Variants in PCNX2 observed in about 807,000 individuals in gnomAD.
PCNX2 encodes pecanex 2.
PCNX2 carries 168 observed loss-of-function variants against 223.8 expected under a neutral mutation model. The observed-to-expected ratio is 0.75, with a 90% CI of 0.66 to 0.85. The LOEUF is 0.85. Among genes scored for constraint, PCNX2 ranks in the 40% least tolerant of loss-of-function variants. The pLI is 0.00. For synonymous variants in PCNX2, 1,006 were observed against 1,052.6 expected (o/e 0.96, Z 0.86); for missense variants, 2,507 against 2,675.5 (o/e 0.94, Z 1.39).
chr1:233,096,777 C>A (rs1674196179), intron 21 of PCNX2, among the ~76,000 whole-genome samples: 1 of 152,090 alleles, frequency 6.6e-6, no homozygotes, highest in East Asian at 1.9e-4. Flanking sequence ...GGCTCAATAG[C>A]CATTATATAA....
At chr1:233,308,302 C>CA in the PCNX2 span, among the ~76,000 whole-genome samples, 2 of 151,702 alleles carry the variant, frequency 1.3e-5, no homozygotes, top group African/African-American at 4.8e-5. Flanking sequence ...TCTAAAAATA[C>CA]AAAAAAATTA....
chr1:233,280,026 C>G (rs1661108533), intron 1 of PCNX2, among the ~76,000 whole-genome samples: 1 of 152,062 alleles, frequency 6.6e-6, no homozygotes, highest in Non-Finnish European at 1.5e-5. Flanking sequence ...TCATCTTTCC[C>G]TCCTTTTTAG....
intron 21 of PCNX2, 37 bp from the exon 22 acceptor site, chr1:233,095,900 A>T: frequency 6.8e-7 from 1 of 1,461,718 alleles, no homozygotes; most frequent in Non-Finnish European, 9.4e-7. Flanking sequence ...CAGAGAGGAC[A>T]ATGACAACAG....
chr1:233,003,316 AC>A (rs1347247672), intron 28 of PCNX2, among the ~76,000 whole-genome samples: 2 of 152,338 alleles, frequency 1.3e-5, no homozygotes, highest in Admixed American at 6.5e-5. Context: ...TAAGAAAAAA[AC>A]AACCCCATCA....
chr1:232,999,183 T>G lies in PCNX2; in HGVS notation c.5525A>C (p.His1842Pro), dbSNP rs758211090. Residue 1842 changes from histidine to proline, a missense_variant, in exon 31 of 34, where the codon CAC becomes CCC. Around this residue, in one of 3 missense-constraint regions of PCNX2, gnomAD observed 1,372 missense variants for 1,509.4 expected, o/e 0.91. Transcript: ENST00000258229. ...SPLTTSYLGT[H>P]RQLKNIWGGP... ...ACCCCAGATGTTCTTCAGCTGCCTG[T>G]GTGTCCCTAGGTAGGATGTGGTTAG... The G allele has an allele frequency of 6.2e-7, 1 of 1,613,950 alleles. No individual in the cohort carries two copies. Among genetic ancestry groups the G allele is most frequent in the East Asian group, 2.2e-5 (1 of 44,874 alleles).
chr1:233,091,308 G>A (rs1673859626), intron 22 of PCNX2, among the ~76,000 whole-genome samples: 1 of 152,110 alleles, frequency 6.6e-6, no homozygotes, highest in South Asian at 2.1e-4. Flanking sequence ...TCTTATTTCT[G>A]TAACCCATGT....
Position 232,999,093 on chromosome 1 carries a change from G to GT in PCNX2, c.5603+11dup. On this transcript the variant is annotated intron_variant, in intron 31 of 33. Coordinates refer to ENST00000258229, the MANE Select transcript of PCNX2 (RefSeq NM_014801.4). The stretch of plus-strand genomic sequence containing the variant: ...CAGCATCTGGACAGAGGCATTTGTT[G>GT]TAAAAACTTACCTTACCCACTTGGT... The GT allele has an allele frequency of 6.3e-7, 1 of 1,590,938 alleles. No homozygotes were observed. Among genetic ancestry groups the GT allele is most frequent in the East Asian group, 2.3e-5 (1 of 44,428 alleles).
chr1:233,172,665 G>A, intron 17 of PCNX2: 1 of 502,796 alleles, frequency 2.0e-6, no homozygotes, highest in Non-Finnish European at 2.6e-6. Context: ...CCCCAGGTTG[G>A]GCAAATGCTC....
At chr1:233,090,018 C>T in intron 23 of PCNX2, 43 bp downstream of exon 23, 1 of 1,611,436 alleles carries the variant, frequency 6.2e-7, no homozygotes, top group Non-Finnish European at 8.5e-7. Flanking sequence ...TTCTGAAGTG[C>T]AAACTGGAGA....
chr1:233,099,594 C>G (rs1005488445), intron 21 of PCNX2, among the ~76,000 whole-genome samples: 2 of 152,138 alleles, frequency 1.3e-5, no homozygotes, highest in Non-Finnish European at 2.9e-5. Context: ...GAGACATGAT[C>G]CAGGTTTAAA....
At chr1:233,302,495 T>C in the PCNX2 span, among the ~76,000 whole-genome samples, 1 of 152,180 alleles carries the variant, frequency 6.6e-6, no homozygotes, top group South Asian at 2.1e-4. Flanking sequence ...ATTTCAGCTT[T>C]TTCATCTTCT....
At chr1:233,118,375 T>G (rs1002023528) in intron 21 of PCNX2, among the ~76,000 whole-genome samples, 2 of 150,810 alleles carry the variant, frequency 1.3e-5, no homozygotes, top group Admixed American at 6.7e-5. Context: ...AGGTGTTAGC[T>G]AGTGCAATAA....
At chr1:233,154,671 T>C (rs1368601644) in intron 19 of PCNX2, among the ~76,000 whole-genome samples, 3 of 152,234 alleles carry the variant, frequency 2.0e-5, no homozygotes, top group Non-Finnish European at 4.4e-5. Flanking sequence ...TATATGCATA[T>C]CAATAAGTTG....
chr1:233,035,796 A>G (rs1259221292), intron 25 of PCNX2, among the ~76,000 whole-genome samples: 3 of 152,190 alleles, frequency 2.0e-5, no homozygotes, highest in African/African-American at 4.8e-5. Context: ...CTGAGCTCTG[A>G]GCAGTTTACT....
chr1:233,036,403 G>A (rs1394701831), intron 25 of PCNX2, among the ~76,000 whole-genome samples: 1 of 152,186 alleles, frequency 6.6e-6, no homozygotes, highest in Non-Finnish European at 1.5e-5. Context: ...GGCCGAGGGG[G>A]TGGATCACCT....
chr1:233,147,162 G>T lies in PCNX2; in HGVS notation c.3518-7307C>A, dbSNP rs534073818. Among the ~76,000 whole-genome samples the T allele has an allele frequency of 6.5e-4, 99 of 152,236 alleles. 3 individuals carry two copies. The South Asian group carries it at 0.02, about 31-fold the overall frequency. ...TGGTTGACCCTTGAACAAGGGGGAG[G>T]TTAGAGACACCAACGCTTGCACAGT... On this transcript the variant is annotated intron_variant, in intron 19 of 33. Coordinates refer to ENST00000258229, the MANE Select transcript of PCNX2 (RefSeq NM_014801.4).
chr1:233,231,665 G>A (rs1415924290), intron 9 of PCNX2: 1 of 984,996 alleles, frequency 1.0e-6, no homozygotes, highest in Non-Finnish European at 1.2e-6. Context: ...AGAGTGAACA[G>A]TAGACAGAAG....
At position 232,990,077 on chromosome 1, in the gene PCNX2, C is replaced by T. The variant is rs561229942; in HGVS notation, c.5792-3537G>A. Among the ~76,000 whole-genome samples the T allele has an allele frequency of 2.0e-5, 3 of 152,174 alleles. No individual in the cohort carries two copies. The highest frequency in any genetic ancestry group is 6.5e-5 in the Admixed American group (1 of 15,276). ...TGGGAGCTGTGTGTCTCAACTCGGA[C>T]GGGCATGGTTGTTTTACTTAACTAG... On this transcript the variant is annotated intron_variant, in intron 32 of 33. Transcript: ENST00000258229. The surrounding 1 kb of genome is among the most constrained non-coding windows in gnomAD (Gnocchi z 4.3).
chr1:233,216,923 C>G (rs1656974472), intron 12 of PCNX2, among the ~76,000 whole-genome samples: 1 of 152,028 alleles, frequency 6.6e-6, no homozygotes, highest in Admixed American at 6.5e-5. Context: ...ACTGATGAAT[C>G]TAGAGGACAT....
Sources: gnomAD v4.1 joint callset for allele counts (sites outside exome capture counted in the v4.1 genomes callset) on GRCh38, gnomAD v4.1.1 for gene constraint, gnomAD v4.1.1 regional missense constraint, Gnocchi (gnomAD v3.1) non-coding constraint, MANE v1.5 for transcripts, NCBI Gene and HGNC (gene_info 2026-07-23, HGNC 2026-07-21) for gene names.